Variants in ENO1 observed in about 807,000 individuals in gnomAD.
ENO1 encodes the protein alpha-enolase.
In ENO1, 33 loss-of-function variants were observed where a neutral mutation model predicts 46.3. The ratio of observed to expected loss-of-function variants is 0.71; its 90% confidence interval spans 0.54 to 0.95. ENO1 has a LOEUF of 0.95. Ranked by LOEUF, ENO1 falls within the 40% of genes least tolerant of loss-of-function variation. The pLI is 0.00. For missense variants in ENO1, 488 were observed against 553.3 expected, an observed-to-expected ratio of 0.88 and a Z score of 1.18; for synonymous variants, 220 against 216.0, an observed-to-expected ratio of 1.02 and a Z score of -0.16.
At position 8,869,341 on chromosome 1, in the gene ENO1, C is replaced by T. The variant is rs1642584709; in HGVS notation, c.240+1111G>A. On this transcript the variant is annotated intron_variant, in intron 4 of 11. Transcript: ENST00000234590. The stretch of plus-strand genomic sequence containing the variant: ...TCCGGGAGACTGGCAGGGGGTGGTG[C>T]AGACAGAACGGTAACAAGACATTTT... Among the ~76,000 whole-genome samples, 2 of 152,118 alleles carry T rather than the reference C, an allele frequency of 1.3e-5. 1 individual carries two copies. The highest frequency in any genetic ancestry group is 4.1e-4 in the South Asian group (2 of 4,830).
At chr1:8,866,054 C>A in intron 7 of ENO1, 1 of 465,404 alleles carries the variant, frequency 2.1e-6, no homozygotes, top group Non-Finnish European at 3.7e-6. Context: ...GCACTCCAGC[C>A]TGGGCGACAG....
chr1:8,865,765 C>G (rs1003934289), intron 7 of ENO1, among the ~76,000 whole-genome samples: 1 of 152,082 alleles, frequency 6.6e-6, no homozygotes, highest in Admixed American at 6.5e-5. Context: ...CTGTCCTGGC[C>G]AAGATACAGT....
chr1:8,869,172 C>G (rs2781061), intron 4 of ENO1, among the ~76,000 whole-genome samples: 1 of 152,060 alleles, frequency 6.6e-6, no homozygotes, highest in African/African-American at 2.4e-5. Flanking sequence ...GTTACCCAAG[C>G]ACACAGCTTC....
intron 7 of ENO1, among the ~76,000 whole-genome samples, chr1:8,865,687 C>T (rs1218647624): frequency 2.0e-5 from 3 of 152,178 alleles, no homozygotes; most frequent in Non-Finnish European, 4.4e-5. Context: ...ATGGGAAATT[C>T]AGCTCTCTTT....
At chr1:8,863,405 G>A (rs1202218811) in intron 9 of ENO1, 62 bp from the exon 10 acceptor site, 14 of 1,500,004 alleles carry the variant, frequency 9.3e-6, no homozygotes, top group Non-Finnish European at 9.1e-6. Flanking sequence ...AACCCCCAAT[G>A]CCATTACCCC....
In ENO1 at chr1:8,861,678, C is replaced by G. The variant is rs1428905016; in HGVS notation, c.1236-249G>C. On this transcript the variant is annotated intron_variant, in intron 11 of 11. Coordinates refer to ENST00000234590, the MANE Select transcript of ENO1 (RefSeq NM_001428.5). ...CATGCTAGGTGCCCTCCACCCACCGCCCCTTCTCTTCCTCTCCTCTCCCCG... is the reference window on the plus strand; with the variant it reads ...CATGCTAGGTGCCCTCCACCCACCGGCCCTTCTCTTCCTCTCCTCTCCCCG... Among the ~76,000 whole-genome samples the G allele has an allele frequency of 3.9e-5, 6 of 152,066 alleles. No individual in the cohort carries two copies. The South Asian group carries it at 8.3e-4, about 21-fold the overall frequency.
rs1031891119 is a variant in ENO1 at position 8,867,720 on chromosome 1, C to T, written c.310+268G>A. Among the ~76,000 whole-genome samples, 16 of 151,974 alleles carry T rather than the reference C, an allele frequency of 1.1e-4. 1 individual carries two copies. In the South Asian group the frequency reaches 2.9e-3, roughly 28 times the overall value. On this transcript the variant is annotated intron_variant, in intron 5 of 11. Transcript: ENST00000234590. ...AATTTTTTGTATTTTTTAGTGGAGA[C>T]GGGGTTTCACCACGTTGGCCAGGAT...
At chr1:8,866,184 A>G (rs1170983545) in intron 7 of ENO1, 95 bp downstream of exon 7, 1 of 1,080,544 alleles carries the variant, frequency 9.3e-7, no homozygotes, top group African/African-American at 1.5e-5. Flanking sequence ...AGGTGGAAAG[A>G]ATAGATTTCC....
At chr1:8,866,568 C>T (rs771492270) in intron 6 of ENO1, 67 bp from the exon 7 acceptor site, 8 of 1,527,006 alleles carry the variant, frequency 5.2e-6, no homozygotes, top group Non-Finnish European at 7.2e-6. Flanking sequence ...GTAAGCCCCT[C>T]TGGTCCTACC....
At position 8,871,300 on chromosome 1, in the gene ENO1, T is replaced by G. The variant is rs28999069; in HGVS notation, c.181+591A>C. 440 of 995,778 alleles carry G rather than the reference T, an allele frequency of 4.4e-4. 1 individual carries two copies. In the African/African-American group the frequency reaches 7.0e-3, roughly 16 times the overall value. 61.7% of individuals were successfully genotyped at this position (995,778 alleles called of 1,614,324 possible). A position where few individuals can be genotyped will look rare whatever the true frequency, so the allele number is the denominator to read the frequency against. ...ATGCGTGATCTAGCCCTATGTGCTT[T>G]TCTGTAATTTGGCCACATGTTCTAT... On this transcript the variant is annotated intron_variant, in intron 3 of 11. Coordinates refer to ENST00000234590, the MANE Select transcript of ENO1 (RefSeq NM_001428.5).
chr1:8,866,563 C>G, intron 6 of ENO1, 62 bp from the exon 7 acceptor site: 3 of 1,549,730 alleles, frequency 1.9e-6, no homozygotes, highest in Non-Finnish European at 2.7e-6. Flanking sequence ...GGGCAGTAAG[C>G]CCCTCTGGTC....
chr1:8,877,053 G>T (rs1042564577), intron 1 of ENO1, among the ~76,000 whole-genome samples: 1 of 150,732 alleles, frequency 6.6e-6, no homozygotes, highest in Non-Finnish European at 1.5e-5. Flanking sequence ...GCAGTGACAC[G>T]ATCTCGACTC....
In ENO1 at chr1:8,861,439, G is replaced by A. The variant is rs774472416; in HGVS notation, c.1236-10C>T. The A allele has an allele frequency of 3.1e-6, 5 of 1,613,900 alleles. No homozygotes were observed. The highest frequency in any genetic ancestry group is 4.2e-6 in the Non-Finnish European group (5 of 1,180,014). On this transcript the variant is annotated splice_polypyrimidine_tract_variant and intron_variant, in intron 11 of 11. Coordinates refer to ENST00000234590, the MANE Select transcript of ENO1 (RefSeq NM_001428.5). The stretch of plus-strand genomic sequence containing the variant: ...CAGCTCCTCTTCAATTCTTGGGAAG[G>A]AGAAAGGTAAAGAGATGGGGAGGAA...
intron 6 of ENO1, 63 bp downstream of exon 6, chr1:8,867,054 G>A (rs1569904135): frequency 1.9e-6 from 3 of 1,585,358 alleles, no homozygotes; most frequent in South Asian, 1.1e-5. Flanking sequence ...GGAGGTCTCG[G>A]GTCCCCAACA....
chr1:8,864,001 A>T lies in ENO1; in HGVS notation c.957T>A (p.Asp319Glu). The T allele has an allele frequency of 1.2e-6, 2 of 1,614,114 alleles. No homozygotes were observed. Among genetic ancestry groups the T allele is most frequent in the Non-Finnish European group, 1.7e-6 (2 of 1,180,020 alleles). Residue 319 changes from aspartate (D) to glutamate (E), a missense_variant, in exon 9 of 12, where the codon GAT becomes GAA. Transcript: ENST00000234590. ...TCCTCTTTGGGTTGGTCACTGTGAGATCATCCCCCACTACCTGGATTCCTG... is the reference window on the plus strand; with the variant it reads ...TCCTCTTTGGGTTGGTCACTGTGAGTTCATCCCCCACTACCTGGATTCCTG... ...ASAGIQVVGD[D>E]LTVTNPKRIA...
At chr1:8,867,356 C>G in intron 5 of ENO1, 106 bp from the exon 6 acceptor site, 1 of 1,438,940 alleles carries the variant, frequency 6.9e-7, no homozygotes. Context: ...CCTCCCCCAT[C>G]ACACCTCCAT....
intron 5 of ENO1, 100 bp from the exon 6 acceptor site, chr1:8,867,350 C>T: frequency 1.4e-6 from 2 of 1,445,980 alleles, no homozygotes; most frequent in Non-Finnish European, 1.9e-6. Flanking sequence ...CCATCTCCTC[C>T]CCCATCACAC....
intron 4 of ENO1, chr1:8,870,044 AT>A (rs1642598116): frequency 5.8e-6 from 1 of 173,266 alleles, no homozygotes; most frequent in African/African-American, 2.4e-5. Flanking sequence ...AGATTTCCAG[AT>A]TTTACTTAAC....
chr1:8,862,377 G>A (rs1441966317), intron 11 of ENO1, among the ~76,000 whole-genome samples: 1 of 152,074 alleles, frequency 6.6e-6, no homozygotes, highest in Non-Finnish European at 1.5e-5. Context: ...ACTTAGCGGG[G>A]TGGCGGGCGG....
Sources: gnomAD v4.1 joint callset for allele counts (sites outside exome capture counted in the v4.1 genomes callset) on GRCh38, gnomAD v4.1.1 for gene constraint, MANE v1.5 for transcripts, NCBI Gene and HGNC (gene_info 2026-07-23, HGNC 2026-07-21) for gene names.